The following OR2Z1 variants were observed in gnomAD, a reference collection of about 807,000 sequenced individuals.
OR2Z1 encodes the protein olfactory receptor family 2 subfamily Z member 1, also known as olfactory receptor 2Z1.
For synonymous variants in OR2Z1, 188 were observed against 160.6 expected (o/e 1.17, Z -1.29); for missense variants, 449 against 401.8 (o/e 1.12, Z -1.00).
At chr19:8,724,788 T>C (rs1274359603) in intron 2 of OR2Z1, among the ~76,000 whole-genome samples, 2 of 152,162 alleles carry the variant, frequency 1.3e-5, no homozygotes, top group African/African-American at 4.8e-5. Context: ...TAGGAGGTGA[T>C]AGGCTTAGAG....
At chr19:8,726,503 T>C (rs1555756195) in intron 2 of OR2Z1, among the ~76,000 whole-genome samples, 2 of 152,212 alleles carry the variant, frequency 1.3e-5, no homozygotes, top group African/African-American at 4.8e-5. Flanking sequence ...CGTCTTGTAG[T>C]GTCCTTAGCT....
rs575824980 is a variant in OR2Z1 at position 8,732,032 on chromosome 19, G to A, written c.*59G>A. Reference sequence around the variant, plus strand: ...CCTCGATCCCACCCACCTTCCCAAAGTATGCATTTGGCATTCAATTGCCAA... The same window carrying A: ...CCTCGATCCCACCCACCTTCCCAAAATATGCATTTGGCATTCAATTGCCAA... On this transcript the variant is annotated 3_prime_UTR_variant, in exon 3 of 3. Coordinates refer to ENST00000641125, the MANE Select transcript of OR2Z1 (RefSeq NM_001004699.3). The A allele has an allele frequency of 1.4e-5, 19 of 1,345,204 alleles. No individual in the cohort carries two copies. The highest frequency in any genetic ancestry group is 1.9e-5 in the Non-Finnish European group (18 of 969,678). 83.3% of individuals were successfully genotyped at this position (1,345,204 alleles called of 1,614,324 possible). A position where few individuals can be genotyped will look rare whatever the true frequency, so the allele number is the denominator to read the frequency against.
At chr19:8,722,478 C>T (rs1374002607) in intron 1 of OR2Z1, among the ~76,000 whole-genome samples, 1 of 152,086 alleles carries the variant, frequency 6.6e-6, no homozygotes, top group Non-Finnish European at 1.5e-5. Context: ...ACTCTAGACC[C>T]ACATTTTGGC....
In OR2Z1 at chr19:8,726,599, T is replaced by C. The variant is rs566441391; in HGVS notation, c.-170+3449T>C. On this transcript the variant is annotated intron_variant, in intron 2 of 2. Transcript: ENST00000641125. ...GTGCATTTATCTTCTTGTTGGTCATTGGTCTCCTGATGGAGATGGTGGAGT... is the reference window on the plus strand; with the variant it reads ...GTGCATTTATCTTCTTGTTGGTCATCGGTCTCCTGATGGAGATGGTGGAGT... Among the ~76,000 whole-genome samples, 8 of 152,358 alleles carry C rather than the reference T, an allele frequency of 5.3e-5. No individual in the cohort carries two copies. The South Asian group carries it at 1.0e-3, about 20-fold the overall frequency.
At chr19:8,722,704 AAG>A (rs200022058) in intron 1 of OR2Z1, among the ~76,000 whole-genome samples, 4,232 of 152,176 alleles carry the variant, frequency 0.028, 83 homozygotes, top group Middle Eastern at 0.061. Flanking sequence ...TTTTTTCTGA[AAG>A]AGATTTCAGT....
chr19:8,730,978 C>G lies in OR2Z1; in HGVS notation c.-51C>G. ...ATTATTTGCCACCCCATGCAGGCTT[C>G]TTGCCATAGTTCAGCTGTTCTTCCT... On this transcript the variant is annotated 5_prime_UTR_variant, in exon 3 of 3. Transcript: ENST00000641125. 1.3e-6 allele frequency: 2 copies of G among 1,483,982 alleles called. No homozygotes were observed. The highest frequency in any genetic ancestry group is 1.9e-6 in the Non-Finnish European group (2 of 1,073,772). 91.9% of individuals were successfully genotyped at this position (1,483,982 alleles called of 1,614,324 possible). A position where few individuals can be genotyped will look rare whatever the true frequency, so the allele number is the denominator to read the frequency against.
chr19:8,728,626 G>A, intron 2 of OR2Z1: 1 of 438,856 alleles, frequency 2.3e-6, no homozygotes, highest in Non-Finnish European at 4.3e-6. Flanking sequence ...GCTGATTTGG[G>A]TTTCAATTGA....
chr19:8,728,723 G>A, intron 2 of OR2Z1: 1 of 577,266 alleles, frequency 1.7e-6, no homozygotes, highest in Non-Finnish European at 3.3e-6. Context: ...GAATTAGCCA[G>A]CTGGACTCAG....
Position 8,725,401 on chromosome 19 carries a change from C to G in OR2Z1, c.-170+2251C>G, listed in dbSNP as rs184278197. On this transcript the variant is annotated intron_variant, in intron 2 of 2. Transcript: ENST00000641125. ...GGGATTACAGGTGCCCGCCACCACA[C>G]CTGGCTAATTTTTGTATTTTTTGTA... is the stretch of plus-strand genomic sequence containing the variant. Among the ~76,000 whole-genome samples the G allele has an allele frequency of 3.0e-3, 456 of 152,218 alleles. 4 individuals are homozygous for G. Among genetic ancestry groups the G allele is most frequent in the Admixed American group, 1.3e-3 (20 of 15,274 alleles).
Position 8,728,645 on chromosome 19 carries a change from C to T in OR2Z1, c.-169-2215C>T, listed in dbSNP as rs568658032. The stretch of plus-strand genomic sequence containing the variant: ...ATTTGGGTTTCAATTGAAACTGTCA[C>T]CCAAATTGCGAACATAGTACCCAAT... On this transcript the variant is annotated intron_variant, in intron 2 of 2. Transcript: ENST00000641125. 1.3e-5 allele frequency: 6 copies of T among 456,224 alleles called. No individual in the cohort carries two copies. The East Asian group carries it at 3.1e-4, about 24-fold the overall frequency. The allele number at this position is 456,224 out of a possible 1,614,324, so 28.3% of individuals were successfully genotyped here. A position where few individuals can be genotyped will look rare whatever the true frequency, so the allele number is the denominator to read the frequency against.
In OR2Z1 at chr19:8,731,600, A is replaced by C. The variant is rs1568439740; in HGVS notation, c.572A>C (p.Asp191Ala). 7.4e-6 allele frequency: 12 copies of C among 1,612,992 alleles called. No homozygotes were observed. Among genetic ancestry groups the C allele is most frequent in the African/African-American group, 1.3e-5 (1 of 74,082 alleles). The change falls in exon 3 of 3, where the codon GAT becomes GCT. Residue 191 changes from aspartate (D) to alanine (A), a missense_variant. Asp to Ala is a moderately radical substitution (Grantham distance 126). Transcript: ENST00000641125. ...VPALLKLSCADTCAYEMALST... is the reference protein window; with the variant it reads ...VPALLKLSCAATCAYEMALST... Reference sequence around the variant, plus strand: ...GCCCTACTGAAGCTCTCCTGTGCAGATACCTGTGCCTACGAGATGGCGCTG... The same window carrying C: ...GCCCTACTGAAGCTCTCCTGTGCAGCTACCTGTGCCTACGAGATGGCGCTG...
intron 2 of OR2Z1, among the ~76,000 whole-genome samples, chr19:8,726,988 C>G (rs907680486): frequency 9.9e-5 from 15 of 152,088 alleles, no homozygotes; most frequent in African/African-American, 3.6e-4. Context: ...CTCGCTCAGT[C>G]TCCCAGGCTG....
Position 8,732,059 on chromosome 19 carries a change from T to C in OR2Z1, c.*86T>C. ...ATGCATTTGGCATTCAATTGCCAAT[T>C]TGTGCAACTGGCCAAATATCCAGCC... On this transcript the variant is annotated 3_prime_UTR_variant, in exon 3 of 3. Transcript: ENST00000641125. 1 of 1,054,654 alleles carries C rather than the reference T, an allele frequency of 9.5e-7. No homozygotes were observed. Among genetic ancestry groups the C allele is most frequent in the Non-Finnish European group, 1.4e-6 (1 of 716,506 alleles). 65.3% of individuals were successfully genotyped at this position (1,054,654 alleles called of 1,614,324 possible).
Position 8,731,509 on chromosome 19 carries a change from T to G in OR2Z1, c.481T>G (p.Ser161Ala). 6.2e-7 allele frequency: 1 copy of G among 1,614,046 alleles called. No homozygotes were observed. The highest frequency in any genetic ancestry group is 1.6e-4 in the Middle Eastern group (1 of 6,062). The part of the protein sequence containing the change: ...VGVLNASIQT[S>A]ITLHFPYCAS... The stretch of plus-strand genomic sequence containing the variant: ...TGTGCTCAACGCCTCCATCCAGACC[T>G]CCATCACCCTGCATTTTCCCTACTG... The change falls in exon 3 of 3, where the codon TCC becomes GCC. Residue 161 changes from serine to alanine, a missense_variant. Ser to Ala is a moderately conservative substitution (Grantham distance 99, BLOSUM62 1). Coordinates refer to ENST00000641125, the MANE Select transcript of OR2Z1 (RefSeq NM_001004699.3).
At chr19:8,725,362 C>A (rs1373301992) in intron 2 of OR2Z1, among the ~76,000 whole-genome samples, 1 of 152,138 alleles carries the variant, frequency 6.6e-6, no homozygotes, top group Non-Finnish European at 1.5e-5. Context: ...CCTGCCTCAG[C>A]CTTCTGAGTA....
In OR2Z1 at chr19:8,723,152, T is replaced by A. The variant is rs2145074395; in HGVS notation, c.-170+2T>A. The A allele has an allele frequency of 6.6e-6, 1 of 152,194 alleles. No homozygotes were observed. The highest frequency in any genetic ancestry group is 2.4e-5 in the African/African-American group (1 of 41,514). The allele number at this position is 152,194 out of a possible 1,614,324, so 9.4% of individuals were successfully genotyped here. On this transcript the variant is annotated splice_donor_variant, in intron 2 of 2. Transcript: ENST00000641125. LOFTEE classifies it low-confidence loss of function (5UTR_SPLICE). ...CACCTGGGCACCCTGAAAGGAAAGG[T>A]GAGTTTGGGGGCACACAGGAGTGTT...
chr19:8,731,799 C>G lies in OR2Z1; in HGVS notation c.771C>G (p.Phe257Leu), dbSNP rs782671290. 6.2e-7 allele frequency: 1 copy of G among 1,614,212 alleles called. No homozygotes were observed. Among genetic ancestry groups the G allele is most frequent in the Non-Finnish European group, 8.5e-7 (1 of 1,180,038 alleles). ...GGCTCTTTTATGGTGCCGCCGTGTT[C>G]ATGTACATGGTGCCTTGCGCCTACC... ...VVGLFYGAAVFMYMVPCAYHS... is the reference protein window; with the variant it reads ...VVGLFYGAAVLMYMVPCAYHS... The change falls in exon 3 of 3, where the codon TTC becomes TTG. Residue 257 changes from phenylalanine (F) to leucine (L), a missense_variant. Transcript: ENST00000641125.
intron 2 of OR2Z1, among the ~76,000 whole-genome samples, chr19:8,724,335 A>C (rs2043319293): frequency 6.6e-6 from 1 of 152,044 alleles, no homozygotes. Context: ...TCCTGGGCTC[A>C]AGTGAGCCTC....
Position 8,721,643 on chromosome 19 carries a change from G to GCA in OR2Z1, c.-612_-611dup, listed in dbSNP as rs1555755743. 2 of 152,232 alleles carry GCA rather than the reference G, an allele frequency of 1.3e-5. No homozygotes were observed. Among genetic ancestry groups the GCA allele is most frequent in the African/African-American group, 4.8e-5 (2 of 41,442 alleles). 9.4% of individuals were successfully genotyped at this position (152,232 alleles called of 1,614,324 possible). A position where few individuals can be genotyped will look rare whatever the true frequency, so the allele number is the denominator to read the frequency against. On this transcript the variant is annotated 5_prime_UTR_variant, in exon 1 of 3. Coordinates refer to ENST00000641125, the MANE Select transcript of OR2Z1 (RefSeq NM_001004699.3). ...CTACCTCTTGGACATTTGCCAACCT[G>GCA]CACGCTGGATGCATCTTACCTTGTC...
Sources: allele counts gnomAD v4.1 joint callset (sites outside exome capture counted in the v4.1 genomes callset), GRCh38; gene constraint gnomAD v4.1.1; transcripts MANE v1.5; gene names NCBI Gene and HGNC (gene_info 2026-07-23, HGNC 2026-07-21).